SGMS1: variants seen among roughly 807,000 people sequenced by gnomAD.
The protein encoded by SGMS1 is sphingomyelin synthase 1.
In SGMS1, 13 loss-of-function variants were observed where a neutral mutation model predicts 46.2. The ratio of observed to expected loss-of-function variants is 0.28; its 90% CI spans 0.18 to 0.45. SGMS1 has a LOEUF of 0.45. Ranked by LOEUF, SGMS1 falls within the 20% of genes least tolerant of loss-of-function variation. The probability of loss-of-function intolerance (pLI) is 1.00; values close to 1 mark genes in which losing one functional copy is unlikely to be tolerated. For missense variants in SGMS1, 324 were observed against 519.9 expected (o/e 0.62, Z 3.66); for synonymous variants, 203 against 187.8 (o/e 1.08, Z -0.66).
intron 5 of SGMS1, among the ~76,000 whole-genome samples, chr10:50,436,604 C>T (rs1849476800): frequency 6.6e-6 from 1 of 152,152 alleles, no homozygotes. Context: ...CCTAATCGTG[C>T]TTCAAATACA....
chr10:50,420,566 C>A (rs901363615), intron 6 of SGMS1, among the ~76,000 whole-genome samples: 10 of 152,194 alleles, frequency 6.6e-5, no homozygotes, highest in Non-Finnish European at 1.3e-4. Context: ...GCTTTACGGG[C>A]AGCTTTCCTC....
At chr10:50,549,530 G>A (rs534661105) in intron 2 of SGMS1, among the ~76,000 whole-genome samples, 1 of 152,240 alleles carries the variant, frequency 6.6e-6, no homozygotes, top group East Asian at 1.9e-4. Flanking sequence ...ACACATATTG[G>A]GGCCTGCCAG....
At chr10:50,529,287 T>C (rs1395729287) in intron 2 of SGMS1, among the ~76,000 whole-genome samples, 1 of 152,210 alleles carries the variant, frequency 6.6e-6, no homozygotes, top group Non-Finnish European at 1.5e-5. Context: ...ACTATGTAAA[T>C]TCTAAGACTC....
intron 2 of SGMS1, among the ~76,000 whole-genome samples, chr10:50,576,764 C>T (rs1490895103): frequency 6.6e-6 from 1 of 152,174 alleles, no homozygotes; most frequent in Non-Finnish European, 1.5e-5. Flanking sequence ...CATTGCACCA[C>T]ATGTATATAC....
intron 2 of SGMS1, among the ~76,000 whole-genome samples, chr10:50,580,068 C>A (rs1255470661): frequency 1.3e-5 from 2 of 152,090 alleles, no homozygotes; most frequent in Non-Finnish European, 2.9e-5. Flanking sequence ...TTACTAAATC[C>A]AAGGAAAACA....
At chr10:50,370,846 A>G (rs1848424655) in intron 6 of SGMS1, among the ~76,000 whole-genome samples, 1 of 152,132 alleles carries the variant, frequency 6.6e-6, no homozygotes, top group South Asian at 2.1e-4. Context: ...GTCCCACCAG[A>G]AGGTCTTCGG....
At chr10:50,369,250 C>T (rs1368424218) in intron 6 of SGMS1, among the ~76,000 whole-genome samples, 2 of 152,188 alleles carry the variant, frequency 1.3e-5, no homozygotes, top group East Asian at 3.8e-4. Context: ...GTAATCTCAA[C>T]ACTTTGGGTG....
intron 2 of SGMS1, among the ~76,000 whole-genome samples, chr10:50,588,780 A>C (rs551190948): frequency 3.2e-4 from 39 of 123,126 alleles, no homozygotes; most frequent in Non-Finnish European, 2.8e-4. Flanking sequence ...CTTAGACTGG[A>C]GTGCAGAGGC....
At chr10:50,412,394 T>C (rs1376948603) in intron 6 of SGMS1, among the ~76,000 whole-genome samples, 1 of 152,198 alleles carries the variant, frequency 6.6e-6, no homozygotes, top group Non-Finnish European at 1.5e-5. Context: ...TCTGCCTTTA[T>C]AAGGTAGACA....
chr10:50,590,022 T>C (rs1004171116), intron 2 of SGMS1, 131 bp downstream of exon 2: 1 of 152,248 alleles, frequency 6.6e-6, no homozygotes, highest in Non-Finnish European at 1.5e-5. Flanking sequence ...CACCAAAAAA[T>C]GTGGCAAAAT....
intron 3 of SGMS1, among the ~76,000 whole-genome samples, chr10:50,484,868 A>G (rs916671552): frequency 6.6e-6 from 1 of 152,198 alleles, no homozygotes; most frequent in Non-Finnish European, 1.5e-5. Flanking sequence ...AAAACTCTCA[A>G]TAAACTAGGT....
Position 50,344,335 on chromosome 10 carries a change from G to T in SGMS1, c.-221C>A, listed in dbSNP as rs1038865745. ...ATTAATTCACCTCATTTTTGAGCAG[G>T]ATTCTTCCTTCTGTGAAAGCAAGAG... On this transcript the variant is annotated 5_prime_UTR_variant, in exon 7 of 11. Coordinates refer to ENST00000361781, the MANE Select transcript of SGMS1 (RefSeq NM_147156.4). 8 of 494,692 alleles carry T rather than the reference G, an allele frequency of 1.6e-5. No individual in the cohort carries two copies. Among genetic ancestry groups the T allele is most frequent in the Non-Finnish European group, 2.4e-5 (7 of 285,938 alleles). 30.6% of individuals were successfully genotyped at this position (494,692 alleles called of 1,614,324 possible). A position where few individuals can be genotyped will look rare whatever the true frequency, so the allele number is the denominator to read the frequency against.
At chr10:50,388,673 G>A (rs1486253512) in intron 6 of SGMS1, among the ~76,000 whole-genome samples, 3 of 151,920 alleles carry the variant, frequency 2.0e-5, no homozygotes, top group East Asian at 1.9e-4. Flanking sequence ...TATAGCGAGC[G>A]CTTGATATGT....
chr10:50,530,742 C>G (rs1014856558), intron 2 of SGMS1, among the ~76,000 whole-genome samples: 5 of 152,050 alleles, frequency 3.3e-5, no homozygotes, highest in African/African-American at 1.2e-4. Flanking sequence ...GCCTCGGCCT[C>G]TCGAAGCACT....
intron 3 of SGMS1, among the ~76,000 whole-genome samples, chr10:50,504,800 C>A (rs534766200): frequency 6.6e-6 from 1 of 152,172 alleles, no homozygotes; most frequent in East Asian, 1.9e-4. Flanking sequence ...ATACAGAGAC[C>A]CAAAGATCCA....
At chr10:50,385,456 C>T (rs141667463) in intron 6 of SGMS1, among the ~76,000 whole-genome samples, 111 of 152,160 alleles carry the variant, frequency 7.3e-4, no homozygotes, top group Middle Eastern at 3.4e-3. Flanking sequence ...TTCAGTGTAC[C>T]ACAAAAACAA....
Position 50,623,760 on chromosome 10 carries a change from G to A in SGMS1, c.-737C>T. 2 of 985,468 alleles carry A rather than the reference G, an allele frequency of 2.0e-6. No individual in the cohort carries two copies. The highest frequency in any genetic ancestry group is 2.4e-6 in the Non-Finnish European group (2 of 829,978). The allele number at this position is 985,468 out of a possible 1,614,324, so 61.0% of individuals were successfully genotyped here. On this transcript the variant is annotated 5_prime_UTR_variant, in exon 1 of 11. Coordinates refer to ENST00000361781, the MANE Select transcript of SGMS1 (RefSeq NM_147156.4). ...ATTCCGCTCGCGGAGCCCCCGCCGC[G>A]GAATGAAATCCGGGGCAGGGCAGCG...
At chr10:50,483,259 T>C (rs551455977) in intron 3 of SGMS1, among the ~76,000 whole-genome samples, 13 of 152,260 alleles carry the variant, frequency 8.5e-5, no homozygotes, top group Admixed American at 2.6e-4. Context: ...TTTGTATTTT[T>C]AGTAGAGGCA....
chr10:50,332,182 C>T (rs945930785), intron 7 of SGMS1, among the ~76,000 whole-genome samples: 53 of 152,170 alleles, frequency 3.5e-4, no homozygotes, highest in Admixed American at 8.5e-4. Context: ...GGCCACCCTC[C>T]CTATCATTCT....
Sources: gnomAD v4.1 joint callset for allele counts (sites outside exome capture counted in the v4.1 genomes callset) on GRCh38, gnomAD v4.1.1 for gene constraint, MANE v1.5 for transcripts, NCBI Gene and HGNC (gene_info 2026-07-23, HGNC 2026-07-21) for gene names.